PKHD1: variants seen among roughly 807,000 people sequenced by gnomAD.
PKHD1 encodes the protein PKHD1 ciliary IPT domain containing fibrocystin/polyductin, also known as fibrocystin.
A neutral mutation model predicts 412.0 loss-of-function variants in PKHD1; 291 were observed. The observed-to-expected ratio is 0.71, with a 90% CI of 0.64 to 0.78. PKHD1 has a LOEUF of 0.78. Ranked by LOEUF, PKHD1 falls within the 30% of genes least tolerant of loss-of-function variation. PKHD1 has a pLI of 0.00. For missense variants in PKHD1, 4,825 were observed against 4,950.7 expected, an observed-to-expected ratio of 0.97 and a Z score of 0.76; for synonymous variants, 1,777 against 1,821.5, an observed-to-expected ratio of 0.98 and a Z score of 0.62.
chr6:51,712,516 G>A (rs1334031535), intron 60 of PKHD1, among the ~76,000 whole-genome samples: 2 of 152,110 alleles, frequency 1.3e-5, no homozygotes, highest in Non-Finnish European at 2.9e-5. Flanking sequence ...GTCAAAAGAA[G>A]AAACTAATTT....
At chr6:51,887,001 C>A (rs1778312535) in intron 44 of PKHD1, 132 bp downstream of exon 44, 2 of 708,966 alleles carry the variant, frequency 2.8e-6, no homozygotes, top group Non-Finnish European at 5.2e-6. Context: ...CTCAAAAAAG[C>A]AGTTTCAGAA....
intron 43 of PKHD1, among the ~76,000 whole-genome samples, chr6:51,896,089 G>C (rs1779906414): frequency 6.6e-6 from 1 of 152,208 alleles, no homozygotes; most frequent in Non-Finnish European, 1.5e-5. Flanking sequence ...CCAGGCTGGA[G>C]GAGGGGCGCC....
chr6:51,887,998 C>T (rs1175041524), intron 43 of PKHD1, among the ~76,000 whole-genome samples: 1 of 152,186 alleles, frequency 6.6e-6, no homozygotes, highest in South Asian at 2.1e-4. Flanking sequence ...GTGAATGCAA[C>T]AGTATATGGT....
chr6:51,657,526 A>G lies in PKHD1; in HGVS notation c.11174+1426T>C, dbSNP rs1414502. 5.9e-3 allele frequency among the ~76,000 whole-genome samples: 893 copies of G among 152,104 alleles called. 2 individuals carry two copies. The highest frequency in any genetic ancestry group is 8.9e-3 in the Non-Finnish European group (607 of 67,896). ...AAAGAGAGAGAGATAGGCGGATAGA[A>G]CACATTCCAACACAAAATCAATGCT... On this transcript the variant is annotated intron_variant, in intron 61 of 66. Coordinates refer to ENST00000371117, the MANE Select transcript of PKHD1 (RefSeq NM_138694.4).
intron 54 of PKHD1, among the ~76,000 whole-genome samples, chr6:51,773,768 C>T (rs2151145245): frequency 6.7e-6 from 1 of 149,944 alleles, no homozygotes; most frequent in East Asian, 2.0e-4. Flanking sequence ...AATAATATGA[C>T]TTTGGTGTTC....
In PKHD1 at chr6:51,902,048, C is replaced by T. The variant is rs548440718; in HGVS notation, c.6996+1549G>A. Among the ~76,000 whole-genome samples, 5 of 152,292 alleles carry T rather than the reference C, an allele frequency of 3.3e-5. No individual in the cohort carries two copies. The South Asian group carries it at 8.3e-4, about 25-fold the overall frequency. ...TCTTGTCAGCCAGTGGCCAGCACTC[C>T]GTCCAGCAGACCACATACTACCCAG... On this transcript the variant is annotated intron_variant, in intron 43 of 66. Coordinates refer to ENST00000371117, the MANE Select transcript of PKHD1 (RefSeq NM_138694.4).
Position 51,854,188 on chromosome 6 carries a change from T to G in PKHD1, c.7911+1705A>C, listed in dbSNP as rs190874809. On this transcript the variant is annotated intron_variant, in intron 49 of 66. Coordinates refer to ENST00000371117, the MANE Select transcript of PKHD1 (RefSeq NM_138694.4). ...TTGTTTTTCTTTCGGGTCCCTCTTC[T>G]GTTGGGCTGCTGCAGTTTGCTGGGG... Among the ~76,000 whole-genome samples, 226 of 152,150 alleles carry G rather than the reference T, an allele frequency of 1.5e-3. 1 individual carries two copies. Among genetic ancestry groups the G allele is most frequent in the African/African-American group, 5.1e-3 (213 of 41,504 alleles).
At chr6:51,698,922 T>C (rs902414417) in intron 60 of PKHD1, among the ~76,000 whole-genome samples, 6 of 152,196 alleles carry the variant, frequency 3.9e-5, no homozygotes, top group Admixed American at 2.0e-4. Flanking sequence ...TTTAAAAAAT[T>C]ATACTGTAGC....
chr6:51,739,591 AC>A (rs1337054133), intron 60 of PKHD1, among the ~76,000 whole-genome samples: 1 of 152,060 alleles, frequency 6.6e-6, no homozygotes, highest in Non-Finnish European at 1.5e-5. Flanking sequence ...TATGTACCTA[AC>A]CCTACTGGAA....
intron 65 of PKHD1, among the ~76,000 whole-genome samples, chr6:51,631,184 T>C (rs983218034): frequency 6.6e-6 from 1 of 152,040 alleles, no homozygotes; most frequent in Non-Finnish European, 1.5e-5. Flanking sequence ...CTTCACGGGA[T>C]TACATGAGAT....
intron 51 of PKHD1, among the ~76,000 whole-genome samples, chr6:51,834,183 G>A (rs1006419767): frequency 7.2e-5 from 11 of 152,094 alleles, no homozygotes; most frequent in African/African-American, 2.7e-4. Context: ...GGGAGGCACT[G>A]AACAGAAGAA....
At chr6:51,797,770 ATG>A (rs1432024981) in intron 52 of PKHD1, among the ~76,000 whole-genome samples, 2 of 151,956 alleles carry the variant, frequency 1.3e-5, no homozygotes, top group African/African-American at 2.4e-5. Flanking sequence ...AAAAGACTCT[ATG>A]TCTTTTAATT....
At chr6:51,710,241 T>C (rs565795157) in intron 60 of PKHD1, among the ~76,000 whole-genome samples, 7 of 152,190 alleles carry the variant, frequency 4.6e-5, no homozygotes, top group African/African-American at 1.7e-4. Flanking sequence ...AGATATAGAA[T>C]TGAATTAAAG....
Position 51,618,731 on chromosome 6 carries a change from G to T in PKHD1, c.*350C>A. 1 of 356,222 alleles carries T rather than the reference G, an allele frequency of 2.8e-6. No homozygotes were observed. Among genetic ancestry groups the T allele is most frequent in the East Asian group, 7.5e-5 (1 of 13,356 alleles). 22.1% of individuals were successfully genotyped at this position (356,222 alleles called of 1,614,324 possible). A position where few individuals can be genotyped will look rare whatever the true frequency, so the allele number is the denominator to read the frequency against. On this transcript the variant is annotated 3_prime_UTR_variant, in exon 67 of 67. Coordinates refer to ENST00000371117, the MANE Select transcript of PKHD1 (RefSeq NM_138694.4). ...AAAGAAGCTCAAAGCATTGTGGGTG[G>T]TCAATCCAGAGAATGCTTAATAATA...
chr6:51,921,972 C>T (rs1213524905), intron 37 of PKHD1, among the ~76,000 whole-genome samples: 2 of 152,170 alleles, frequency 1.3e-5, no homozygotes, highest in African/African-American at 4.8e-5. Flanking sequence ...TGTTCTATTG[C>T]TGGCAAGGAG....
chr6:51,780,745 A>C (rs1052215567), intron 53 of PKHD1, among the ~76,000 whole-genome samples: 2 of 152,104 alleles, frequency 1.3e-5, no homozygotes, highest in Non-Finnish European at 1.5e-5. Flanking sequence ...ATTTTCCACA[A>C]TTAATAAAAA....
chr6:51,793,154 GC>G lies in PKHD1; in HGVS notation c.8303-1782del, dbSNP rs530364763. On this transcript the variant is annotated intron_variant, in intron 52 of 66. Transcript: ENST00000371117. ...TGACTGGTACAAAATGAATGATCAA[GC>G]TAAACAGACAAAAATAAATATATAT... is the stretch of plus-strand genomic sequence containing the variant. Among the ~76,000 whole-genome samples the G allele has an allele frequency of 4.2e-3, 645 of 152,232 alleles. 4 individuals carry two copies. Among genetic ancestry groups the G allele is most frequent in the African/African-American group, 0.012 (499 of 41,532 alleles).
intron 66 of PKHD1, among the ~76,000 whole-genome samples, chr6:51,626,025 A>G (rs1767184808): frequency 6.6e-6 from 1 of 152,112 alleles, no homozygotes. Context: ...GGGAAAATTG[A>G]AAAAAACAAA....
chr6:51,671,545 G>T (rs2150505013), intron 60 of PKHD1, among the ~76,000 whole-genome samples: 1 of 152,220 alleles, frequency 6.6e-6, no homozygotes, highest in Admixed American at 6.5e-5. Context: ...TCTTCTCTCA[G>T]CTCGTCAAAG....
Sources: allele counts gnomAD v4.1 joint callset (sites outside exome capture counted in the v4.1 genomes callset), GRCh38; gene constraint gnomAD v4.1.1; transcripts MANE v1.5; gene names NCBI Gene and HGNC (gene_info 2026-07-23, HGNC 2026-07-21).